SFRP1: variants seen among roughly 807,000 people sequenced by gnomAD.
SFRP1 encodes the protein secreted frizzled related protein 1, also known as secreted frizzled-related protein 1.
Under a neutral mutation model 25.9 loss-of-function variants are expected in SFRP1, and 9 were observed. The ratio of observed to expected loss-of-function variants is 0.35; its 90% CI spans 0.21 to 0.61. The LOEUF is 0.61. Among genes scored for constraint, SFRP1 ranks in the 20% least tolerant of loss-of-function variants. The pLI, the probability that SFRP1 is intolerant of heterozygous loss-of-function variation, is 0.78. For missense variants in SFRP1, 346 were observed against 418.2 expected (o/e 0.83, Z 1.51); for synonymous variants, 178 against 174.0 (o/e 1.02, Z -0.18).
At chr8:41,283,222 T>C (rs1803657050) in intron 2 of SFRP1, among the ~76,000 whole-genome samples, 1 of 152,192 alleles carries the variant, frequency 6.6e-6, no homozygotes, top group African/African-American at 2.4e-5. Context: ...CCCTGACAAG[T>C]GTCAGAATTA....
Position 41,265,131 on chromosome 8 carries a change from A to G in SFRP1, c.*36T>C. On this transcript the variant is annotated 3_prime_UTR_variant, in exon 3 of 3. Coordinates refer to ENST00000220772, the MANE Select transcript of SFRP1 (RefSeq NM_003012.5). The stretch of plus-strand genomic sequence containing the variant: ...GCACTGTCCCCCCCGCTCCCACCCC[A>G]CCCGAGGCTCCCTCCCCACCCTGCC... The G allele has an allele frequency of 7.9e-6, 1 of 126,570 alleles. No individual in the cohort carries two copies. The highest frequency in any genetic ancestry group is 1.6e-4 in the East Asian group (1 of 6,312). 7.8% of individuals were successfully genotyped at this position (126,570 alleles called of 1,614,324 possible).
intron 2 of SFRP1, among the ~76,000 whole-genome samples, chr8:41,267,224 C>G (rs1305453801): frequency 6.6e-6 from 1 of 152,216 alleles, no homozygotes; most frequent in East Asian, 1.9e-4. Flanking sequence ...AGCCCATTCA[C>G]CAACTCTGCT....
chr8:41,306,360 A>C (rs1408522092), intron 1 of SFRP1, among the ~76,000 whole-genome samples: 1 of 152,220 alleles, frequency 6.6e-6, no homozygotes, highest in African/African-American at 2.4e-5. Flanking sequence ...TAAACGAATA[A>C]AAGAGTAGTG....
At chr8:41,283,926 T>C (rs1279221099) in intron 2 of SFRP1, among the ~76,000 whole-genome samples, 1 of 152,178 alleles carries the variant, frequency 6.6e-6, no homozygotes, top group Non-Finnish European at 1.5e-5. Context: ...TGATTAGAGC[T>C]TGTTACTTTG....
chr8:41,295,876 A>G (rs971613578), intron 2 of SFRP1, among the ~76,000 whole-genome samples: 1 of 152,118 alleles, frequency 6.6e-6, no homozygotes, highest in Admixed American at 6.6e-5. Flanking sequence ...TGGATCAACA[A>G]ATGTCTATTT....
In SFRP1 at chr8:41,298,995, G is replaced by A. The variant is rs568069501; in HGVS notation, c.622+4466C>T. On this transcript the variant is annotated intron_variant, in intron 2 of 2. Coordinates refer to ENST00000220772, the MANE Select transcript of SFRP1 (RefSeq NM_003012.5). ...TCTCTCCACTCCCCTTCTTATGAGAGTCTATAGTCATATCCAAAGATGAGG... is the reference window on the plus strand; with the variant it reads ...TCTCTCCACTCCCCTTCTTATGAGAATCTATAGTCATATCCAAAGATGAGG... Among the ~76,000 whole-genome samples, 4 of 152,224 alleles carry A rather than the reference G, an allele frequency of 2.6e-5. No homozygotes were observed. In the East Asian group the frequency reaches 5.8e-4, roughly 22 times the overall value.
intron 2 of SFRP1, among the ~76,000 whole-genome samples, chr8:41,278,904 T>C (rs1465105782): frequency 6.6e-6 from 1 of 152,108 alleles, no homozygotes; most frequent in Non-Finnish European, 1.5e-5. Flanking sequence ...CTCTTCTCCC[T>C]TTATCATGTT....
chr8:41,287,231 T>TC (rs1290359014), intron 2 of SFRP1, among the ~76,000 whole-genome samples: 13 of 152,304 alleles, frequency 8.5e-5, no homozygotes, highest in African/African-American at 2.9e-4. Context: ...CACAGGCTTG[T>TC]CCACTTGAAG....
In SFRP1 at chr8:41,309,059, T is replaced by G; in HGVS notation, c.101A>C (p.Tyr34Ser). The part of the protein sequence containing the change: ...ALLAVGSASE[Y>S]DYVSFQSDIG... Reference sequence around the variant, plus strand: ...GTCCGACTGGAAGCTCACGTAGTCGTACTCGCTGGCCGAGCCCACGGCCAG... The same window carrying G: ...GTCCGACTGGAAGCTCACGTAGTCGGACTCGCTGGCCGAGCCCACGGCCAG... The change falls in exon 1 of 3, where the codon TAC becomes TCC. Residue 34 changes from tyrosine (Y) to serine (S), a missense_variant. Coordinates refer to ENST00000220772, the MANE Select transcript of SFRP1 (RefSeq NM_003012.5). 6.2e-7 allele frequency: 1 copy of G among 1,603,100 alleles called. No individual in the cohort carries two copies. Among genetic ancestry groups the G allele is most frequent in the Non-Finnish European group, 8.5e-7 (1 of 1,179,478 alleles).
chr8:41,308,807 G>A lies in SFRP1; in HGVS notation c.353C>T (p.Ala118Val). The A allele has an allele frequency of 6.2e-7, 1 of 1,610,654 alleles. No individual in the cohort carries two copies. Among genetic ancestry groups the A allele is most frequent in the Non-Finnish European group, 8.5e-7 (1 of 1,179,108 alleles). Residue 118 changes from alanine (A) to valine (V), a missense_variant, in exon 1 of 3, where the codon GCG becomes GTG. Ala to Val is a moderately conservative substitution (Grantham distance 64, BLOSUM62 0). Coordinates refer to ENST00000220772, the MANE Select transcript of SFRP1 (RefSeq NM_003012.5). ...GATGGGCCGGTCCAGGCAGACGGGC[G>A]CGAAGAGCGAGCAGAGGAAGACCTG... ...GTQVFLCSLFAPVCLDRPIYP... is the reference protein window; with the variant it reads ...GTQVFLCSLFVPVCLDRPIYP...
Position 41,265,301 on chromosome 8 carries a change from T to G in SFRP1, c.811A>C (p.Met271Leu), listed in dbSNP as rs1272199243. The G allele has an allele frequency of 6.2e-7, 1 of 1,614,156 alleles. No homozygotes were observed. Among genetic ancestry groups the G allele is most frequent in the Admixed American group, 1.7e-5 (1 of 60,010 alleles). Residue 271 changes from methionine to leucine, a missense_variant, in exon 3 of 3, where the codon ATG becomes CTG. Transcript: ENST00000220772. ...LDNLSHHFLIMGRKVKSQYLL... is the reference protein window; with the variant it reads ...LDNLSHHFLILGRKVKSQYLL... ...TACTGGCTCTTCACCTTGCGGCCCA[T>G]GATGAGGAAGTGGTGGCTGAGGTTG... is the stretch of plus-strand genomic sequence containing the variant.
chr8:41,298,805 T>TA (rs887088949), intron 2 of SFRP1, among the ~76,000 whole-genome samples: 1 of 152,134 alleles, frequency 6.6e-6, no homozygotes, highest in Admixed American at 6.5e-5. Flanking sequence ...TTGTATCCAT[T>TA]AAAAAAATTT....
intron 2 of SFRP1, among the ~76,000 whole-genome samples, chr8:41,267,847 G>A (rs990831696): frequency 6.6e-6 from 1 of 152,144 alleles, no homozygotes; most frequent in African/African-American, 2.4e-5. Flanking sequence ...TCTTTAGAAT[G>A]GACCCCAAAC....
intron 2 of SFRP1, among the ~76,000 whole-genome samples, chr8:41,289,573 T>C (rs1406000545): frequency 6.6e-6 from 1 of 152,164 alleles, no homozygotes; most frequent in Non-Finnish European, 1.5e-5. Flanking sequence ...ACACGTGTTC[T>C]TTCCAATGCA....
At position 41,264,311 on chromosome 8, in the gene SFRP1, T is replaced by C. The variant is rs1361781503; in HGVS notation, c.*856A>G. 6.6e-6 allele frequency: 1 copy of C among 152,234 alleles called. No homozygotes were observed. Among genetic ancestry groups the C allele is most frequent in the East Asian group, 1.9e-4 (1 of 5,206 alleles). The allele number at this position is 152,234 out of a possible 1,614,324, so 9.4% of individuals were successfully genotyped here. ...AGCAATTTGCTGGACTGTTCTAAAA[T>C]TTTTTTCATTTGTTTCTTTTTTAAC... On this transcript the variant is annotated 3_prime_UTR_variant, in exon 3 of 3. Transcript: ENST00000220772.
chr8:41,279,243 C>T (rs1054921387), intron 2 of SFRP1, among the ~76,000 whole-genome samples: 7 of 152,252 alleles, frequency 4.6e-5, no homozygotes, highest in Admixed American at 3.3e-4. Context: ...AGAGCTCAGC[C>T]ACTGCCCGGA....
At chr8:41,306,853 C>A (rs770423296) in intron 1 of SFRP1, 12 of 1,597,458 alleles carry the variant, frequency 7.5e-6, no homozygotes, top group Non-Finnish European at 8.5e-7. Context: ...GTTTCCCCAT[C>A]CCATCACAGC....
intron 2 of SFRP1, among the ~76,000 whole-genome samples, chr8:41,294,171 T>C (rs531402404): frequency 1.2e-4 from 18 of 152,182 alleles, no homozygotes; most frequent in Non-Finnish European, 2.1e-4. Context: ...AGCCGCCCTA[T>C]GGAGTACCAC....
rs767258615 is a variant in SFRP1 at position 41,309,058 on chromosome 8, G to A, written c.102C>T (p.Tyr34=). The change falls in exon 1 of 3, where the codon TAC becomes TAT. Residue 34 remains tyrosine (Y), a synonymous_variant. Transcript: ENST00000220772. ...TGTCCGACTGGAAGCTCACGTAGTC[G>A]TACTCGCTGGCCGAGCCCACGGCCA... is the stretch of plus-strand genomic sequence containing the variant. ...ALLAVGSASE[Y]DYVSFQSDIG... The A allele has an allele frequency of 3.1e-6, 5 of 1,602,958 alleles. No individual in the cohort carries two copies. Among genetic ancestry groups the A allele is most frequent in the East Asian group, 2.2e-5 (1 of 44,772 alleles).
Sources: allele counts gnomAD v4.1 joint callset (sites outside exome capture counted in the v4.1 genomes callset), GRCh38; gene constraint gnomAD v4.1.1; transcripts MANE v1.5; gene names NCBI Gene and HGNC (gene_info 2026-07-23, HGNC 2026-07-21).